The following TRRAP variants were observed in gnomAD, a reference collection of about 807,000 sequenced individuals.
TRRAP encodes the protein transformation/transcription domain-associated protein.
A neutral mutation model predicts 438.8 loss-of-function variants in TRRAP; 41 were observed. The observed-to-expected ratio is 0.09, with a 90% CI of 0.07 to 0.12. The LOEUF (loss-of-function observed/expected upper bound fraction) is 0.12. Ranked by LOEUF, TRRAP falls within the 10% of genes least tolerant of loss-of-function variation. TRRAP has a pLI of 1.00. For synonymous variants in TRRAP, 1,994 were observed against 1,962.9 expected, an observed-to-expected ratio of 1.02 and a Z score of -0.42; for missense variants, 3,122 against 5,055.1, an observed-to-expected ratio of 0.62 and a Z score of 11.60.
chr7:98,896,399 ATTCT>A (rs1379178356), intron 7 of TRRAP, among the ~76,000 whole-genome samples: 1 of 151,562 alleles, frequency 6.6e-6, no homozygotes, highest in Non-Finnish European at 1.5e-5. Context: ...GGGAATCATA[ATTCT>A]TTCTTTTTTT....
At position 98,976,787 on chromosome 7, in the gene TRRAP, G is replaced by GT; in HGVS notation, c.8247+20dup. The GT allele has an allele frequency of 6.2e-7, 1 of 1,610,308 alleles. No homozygotes were observed. The highest frequency in any genetic ancestry group is 8.5e-7 in the Non-Finnish European group (1 of 1,177,442). Reference sequence around the variant, plus strand: ...CCGCAGCAGGTGAGGGTGCGCCTCAGTTTGTTAATTACCTCTTCCCTGCCA... The same window carrying GT: ...CCGCAGCAGGTGAGGGTGCGCCTCAGTTTTGTTAATTACCTCTTCCCTGCCA... On this transcript the variant is annotated intron_variant, in intron 55 of 72. Transcript: ENST00000456197. The surrounding 1 kb of genome is among the most constrained non-coding windows in gnomAD (Gnocchi z 4.6).
intron 47 of TRRAP, among the ~76,000 whole-genome samples, chr7:98,963,151 T>A (rs887019778): frequency 6.6e-6 from 1 of 152,222 alleles, no homozygotes. Flanking sequence ...CAAATACCTA[T>A]ATAGATAGCC....
chr7:98,938,861 A>G (rs903105159), intron 30 of TRRAP, among the ~76,000 whole-genome samples: 1 of 152,348 alleles, frequency 6.6e-6, no homozygotes, highest in South Asian at 2.1e-4. Flanking sequence ...ACCTTGTCAA[A>G]TTGCTCTCCA....
chr7:98,912,718 GA>G (rs1789330673), intron 18 of TRRAP, among the ~76,000 whole-genome samples: 1 of 152,016 alleles, frequency 6.6e-6, no homozygotes, highest in Non-Finnish European at 1.5e-5. Flanking sequence ...TTATTAGAAG[GA>G]AAAAAATGTC....
chr7:98,983,785 C>T (rs1280853367), intron 60 of TRRAP, among the ~76,000 whole-genome samples: 2 of 152,134 alleles, frequency 1.3e-5, no homozygotes, highest in Non-Finnish European at 2.9e-5. Flanking sequence ...GCTCAGGTGG[C>T]TCTGCGTGGC....
At chr7:98,933,185 G>C in intron 26 of TRRAP, 56 bp from the exon 27 acceptor site, 1 of 1,515,674 alleles carries the variant, frequency 6.6e-7, no homozygotes, top group Non-Finnish European at 8.9e-7. Context: ...TTTTTAAAAA[G>C]TGTTTGTGTC....
At chr7:98,919,024 G>A (rs1490160478) in intron 20 of TRRAP, among the ~76,000 whole-genome samples, 7 of 151,824 alleles carry the variant, frequency 4.6e-5, no homozygotes, top group African/African-American at 1.7e-4. Flanking sequence ...ATATGTTAAA[G>A]TTAGTTTTTC....
In TRRAP at chr7:98,930,785, A is replaced by G; in HGVS notation, c.3546A>G (p.Thr1182=). 1 of 1,614,252 alleles carries G rather than the reference A, an allele frequency of 6.2e-7. No homozygotes were observed. The highest frequency in any genetic ancestry group is 1.1e-5 in the South Asian group (1 of 91,086). ...CTTGGGTTCTCCAGAACCAGCAGAC[A>G]TTCCTGAAAGCACTTCTCTTTGTCA... The part of the protein sequence containing the change: ...PLTWVLQNQQ[T]FLKALLFVMM... Residue 1182 remains threonine, a synonymous_variant, in exon 25 of 73, where the codon ACA becomes ACG. Coordinates refer to ENST00000456197, the MANE Select transcript of TRRAP (RefSeq NM_001375524.1).
chr7:98,903,817 C>T (rs116980672), intron 12 of TRRAP, among the ~76,000 whole-genome samples: 4,185 of 152,178 alleles, frequency 0.028, 83 homozygotes, highest in South Asian at 0.053. Context: ...AAGGCAAGGA[C>T]GAGCAAGTCA....
At chr7:98,910,713 C>A (rs1584299285) in intron 16 of TRRAP, 106 bp downstream of exon 16, 1 of 930,474 alleles carries the variant, frequency 1.1e-6, no homozygotes, top group Non-Finnish European at 1.6e-6. Flanking sequence ...TTTGGATGGT[C>A]CACAGTATTT....
In TRRAP at chr7:98,965,125, C is replaced by T. The variant is rs370560008; in HGVS notation, c.6976+350C>T. Among the ~76,000 whole-genome samples the T allele has an allele frequency of 1.1e-4, 16 of 152,340 alleles. No individual in the cohort carries two copies. The East Asian group carries it at 2.3e-3, about 22-fold the overall frequency. ...TGCAACAGATTGAGACTCTCTCTCA[C>T]GTGTGCATGCGTGTGCATGTGCACA... On this transcript the variant is annotated intron_variant, in intron 48 of 72. Coordinates refer to ENST00000456197, the MANE Select transcript of TRRAP (RefSeq NM_001375524.1).
At chr7:98,996,360 C>T (rs555969489) in intron 67 of TRRAP, among the ~76,000 whole-genome samples, 3 of 152,196 alleles carry the variant, frequency 2.0e-5, no homozygotes, top group South Asian at 2.1e-4. Context: ...TAGAGAAGCG[C>T]GTGGCGGGCT....
rs782799160 is a variant in TRRAP, at chr7:98,937,317, C to T, written c.4233+40C>T. 1.3e-5 allele frequency: 20 copies of T among 1,593,490 alleles called. No individual in the cohort carries two copies. The East Asian group carries it at 4.0e-4, about 32-fold the overall frequency. On this transcript the variant is annotated intron_variant, in intron 29 of 72. Coordinates refer to ENST00000456197, the MANE Select transcript of TRRAP (RefSeq NM_001375524.1). Reference sequence around the variant, plus strand: ...GTGCGTGTATGCGCACGCGTGTGTGCACACACATGTGTGTGTACTCTGCAT... The same window carrying T: ...GTGCGTGTATGCGCACGCGTGTGTGTACACACATGTGTGTGTACTCTGCAT...
chr7:98,962,533 C>T lies in TRRAP; in HGVS notation c.6829+106C>T, dbSNP rs550268347. The T allele has an allele frequency of 6.3e-4, 991 of 1,577,864 alleles. 6 individuals are homozygous for T. In the South Asian group the frequency reaches 0.011, roughly 18 times the overall value. ...AAAGGGCTCCGGTTGTTGGGCAGAG[C>T]TTTGAGCCGCTGCGTTGTTCAGGTG... On this transcript the variant is annotated intron_variant, in intron 47 of 72. Coordinates refer to ENST00000456197, the MANE Select transcript of TRRAP (RefSeq NM_001375524.1).
At chr7:98,902,871 G>A (rs1278552656) in intron 11 of TRRAP, among the ~76,000 whole-genome samples, 1 of 150,006 alleles carries the variant, frequency 6.7e-6, no homozygotes, top group Admixed American at 6.7e-5. Flanking sequence ...CCAGGAGTTG[G>A]AGGCCAGCTC....
Position 99,005,596 on chromosome 7 carries a change from T to G in TRRAP, c.10753+248T>G, listed in dbSNP as rs1385182846. Among the ~76,000 whole-genome samples, 2 of 152,202 alleles carry G rather than the reference T, an allele frequency of 1.3e-5. No homozygotes were observed. The highest frequency in any genetic ancestry group is 2.9e-5 in the Non-Finnish European group (2 of 68,028). ...TCCTCTAAGGCGAGCTTGTCCAACCTGCGGGCTCCATGGGGCCCACGATGC... is the reference window on the plus strand; with the variant it reads ...TCCTCTAAGGCGAGCTTGTCCAACCGGCGGGCTCCATGGGGCCCACGATGC... On this transcript the variant is annotated intron_variant, in intron 69 of 72. Coordinates refer to ENST00000456197, the MANE Select transcript of TRRAP (RefSeq NM_001375524.1). The surrounding 1 kb of genome is among the most constrained non-coding windows in gnomAD (Gnocchi z 5.1).
chr7:98,904,483 CAAAAAAAA>C (rs59353514), intron 12 of TRRAP, among the ~76,000 whole-genome samples: 4 of 45,582 alleles, frequency 8.8e-5, no homozygotes, highest in South Asian at 1.5e-3. Flanking sequence ...GACTCTGTCT[CAAAAAAAA>C]AAAAAAAAAA....
In TRRAP at chr7:98,956,248, G is replaced by A. The variant is rs201623462; in HGVS notation, c.6040G>A (p.Val2014Met). ...CACCATCGAGCAGAGGCGGCTGGCC[G>A]TGGACCTGTCTGAAGTCGTCATCAA... ...SVTIEQRRLA[V>M]DLSEVVIKWE... Residue 2014 changes from valine (V) to methionine (M), a missense_variant, in exon 42 of 73, where the codon GTG becomes ATG. Val to Met is a conservative substitution (Grantham distance 21). Around this residue, in one of 24 missense-constraint regions of TRRAP, gnomAD observed 992 missense variants for 1,281.2 expected, o/e 0.77. Transcript: ENST00000456197. This position sits in a 1 kb window ranked among gnomAD's most constrained non-coding sequence, Gnocchi z 4.5. 5.6e-6 allele frequency: 9 copies of A among 1,614,186 alleles called. No individual in the cohort carries two copies. Among genetic ancestry groups the A allele is most frequent in the Non-Finnish European group, 7.6e-6 (9 of 1,180,046 alleles).
rs1792655977 is a variant in TRRAP at position 98,976,347 on chromosome 7, C to G, written c.7959+79C>G. ...AAGTATTCATAAAAGAACACAGTCT[C>G]GAACAAGTTTCAGAAAATGAGGGAA... On this transcript the variant is annotated intron_variant, in intron 54 of 72. Coordinates refer to ENST00000456197, the MANE Select transcript of TRRAP (RefSeq NM_001375524.1). This position sits in a 1 kb window ranked among gnomAD's most constrained non-coding sequence, Gnocchi z 4.6. 5.0e-6 allele frequency: 8 copies of G among 1,584,456 alleles called. No homozygotes were observed. In the Admixed American group the frequency reaches 1.2e-4, roughly 24 times the overall value.
Sources: gnomAD v4.1 joint callset for allele counts (sites outside exome capture counted in the v4.1 genomes callset) on GRCh38, gnomAD v4.1.1 for gene constraint, gnomAD v4.1.1 regional missense constraint, Gnocchi (gnomAD v3.1) non-coding constraint, MANE v1.5 for transcripts, NCBI Gene and HGNC (gene_info 2026-07-23, HGNC 2026-07-21) for gene names.